LRRC4C: variants seen among roughly 807,000 people sequenced by gnomAD.
The protein encoded by LRRC4C is leucine-rich repeat-containing protein 4C.
Under a neutral mutation model 33.6 loss-of-function variants are expected in LRRC4C, and 5 were observed. That is an observed-to-expected ratio of 0.15 (90% confidence interval 0.08 to 0.31). The LOEUF is 0.31. Ranked by LOEUF, LRRC4C falls within the 10% of genes least tolerant of loss-of-function variation. LRRC4C has a pLI of 1.00. For synonymous variants in LRRC4C, 329 were observed against 302.0 expected (o/e 1.09, Z -0.93); for missense variants, 560 against 796.7 (o/e 0.70, Z 3.58).
chr11:41,390,865 G>C (rs1482286668), intron 1 of LRRC4C, among the ~76,000 whole-genome samples: 3 of 151,598 alleles, frequency 2.0e-5, no homozygotes, highest in Non-Finnish European at 2.9e-5. Flanking sequence ...CTGTGTTCCT[G>C]GCAAAGTACC....
At chr11:40,642,768 G>A (rs1252459270) in intron 3 of LRRC4C, among the ~76,000 whole-genome samples, 2 of 152,094 alleles carry the variant, frequency 1.3e-5, no homozygotes, top group African/African-American at 2.4e-5. Flanking sequence ...CTTTAAGATG[G>A]TTTTGCATGT....
At chr11:40,760,478 T>G (rs1013559196) in intron 2 of LRRC4C, among the ~76,000 whole-genome samples, 32 of 151,732 alleles carry the variant, frequency 2.1e-4, no homozygotes, top group African/African-American at 7.5e-4. Flanking sequence ...CCAGAATAAA[T>G]TTTTGCAAAA....
chr11:40,592,968 A>G (rs1959126452), intron 3 of LRRC4C, among the ~76,000 whole-genome samples: 1 of 152,216 alleles, frequency 6.6e-6, no homozygotes, highest in African/African-American at 2.4e-5. Context: ...TCCTTGAACT[A>G]ATACAGCAGA....
At chr11:41,316,275 A>AAC (rs1173963736) in intron 1 of LRRC4C, among the ~76,000 whole-genome samples, 8 of 150,328 alleles carry the variant, frequency 5.3e-5, no homozygotes, top group East Asian at 2.0e-4. Flanking sequence ...AAAAAAAAAA[A>AAC]AAAACAAAAA....
intron 2 of LRRC4C, among the ~76,000 whole-genome samples, chr11:40,815,195 G>C (rs1392807293): frequency 6.6e-6 from 1 of 152,198 alleles, no homozygotes; most frequent in Non-Finnish European, 1.5e-5. Context: ...AGGTGAATGA[G>C]GAGCGAAGTC....
At chr11:40,979,048 A>G (rs1423645620) in intron 1 of LRRC4C, among the ~76,000 whole-genome samples, 3 of 152,190 alleles carry the variant, frequency 2.0e-5, no homozygotes, top group South Asian at 4.1e-4. Flanking sequence ...GATAATCTGT[A>G]CATTGTCCCC....
chr11:40,534,251 A>ATTG (rs10645731), intron 3 of LRRC4C, among the ~76,000 whole-genome samples: 13,312 of 151,990 alleles, frequency 0.088, 1,649 homozygotes, highest in African/African-American at 0.28. Flanking sequence ...TTTTGCTACC[A>ATTG]TTGTTACTAT....
intron 1 of LRRC4C, among the ~76,000 whole-genome samples, chr11:41,410,032 G>A (rs11036392): frequency 0.078 from 11,885 of 152,160 alleles, 1,530 homozygotes; most frequent in African/African-American, 0.27. Context: ...GCCCAATAGT[G>A]TTTTAAAGTT....
chr11:40,314,817 T>C (rs1430508372), intron 4 of LRRC4C, among the ~76,000 whole-genome samples: 1 of 152,050 alleles, frequency 6.6e-6, no homozygotes, highest in Admixed American at 6.5e-5. Flanking sequence ...AAATACCACA[T>C]GTTCTCACTC....
intron 3 of LRRC4C, among the ~76,000 whole-genome samples, chr11:40,374,240 C>T (rs148861072): frequency 1.2e-4 from 18 of 152,008 alleles, no homozygotes; most frequent in South Asian, 4.1e-4. Flanking sequence ...TTGTTGTGTC[C>T]GTAGTGGTGA....
intron 2 of LRRC4C, among the ~76,000 whole-genome samples, chr11:40,904,093 G>A (rs1956319243): frequency 6.6e-6 from 1 of 152,154 alleles, no homozygotes; most frequent in Non-Finnish European, 1.5e-5. Flanking sequence ...CCAATGAGGA[G>A]TTACTTCTGA....
chr11:40,870,122 C>T (rs1297093316), intron 2 of LRRC4C, among the ~76,000 whole-genome samples: 1 of 152,078 alleles, frequency 6.6e-6, no homozygotes, highest in Non-Finnish European at 1.5e-5. Flanking sequence ...CTCCAATGTG[C>T]ATAACACCAA....
intron 3 of LRRC4C, among the ~76,000 whole-genome samples, chr11:40,366,371 C>T (rs1948208678): frequency 6.6e-6 from 1 of 151,990 alleles, no homozygotes; most frequent in African/African-American, 2.4e-5. Flanking sequence ...TCTGGAGAGA[C>T]ATATTGTCAG....
chr11:41,199,884 A>G (rs963591151), intron 1 of LRRC4C, among the ~76,000 whole-genome samples: 57 of 152,274 alleles, frequency 3.7e-4, no homozygotes, highest in African/African-American at 1.4e-3. Context: ...CTTTTCAGAA[A>G]GCCCAGATAA....
intron 5 of LRRC4C, among the ~76,000 whole-genome samples, chr11:40,197,356 A>C (rs1862346198): frequency 6.6e-6 from 1 of 152,168 alleles, no homozygotes; most frequent in South Asian, 2.1e-4. Flanking sequence ...GGTTCACACA[A>C]ACATGTGCTT....
intron 5 of LRRC4C, among the ~76,000 whole-genome samples, chr11:40,225,230 A>T (rs1361800113): frequency 1.3e-5 from 2 of 152,218 alleles, no homozygotes; most frequent in Non-Finnish European, 2.9e-5. Flanking sequence ...CCATTAAAAA[A>T]ATTCAAAAAT....
intron 1 of LRRC4C, among the ~76,000 whole-genome samples, chr11:40,968,330 G>C (rs916272572): frequency 6.6e-6 from 1 of 152,074 alleles, no homozygotes; most frequent in Non-Finnish European, 1.5e-5. Flanking sequence ...AGCTATTTCT[G>C]TATCACAAAA....
At chr11:40,878,934 C>T (rs888878697) in intron 2 of LRRC4C, among the ~76,000 whole-genome samples, 1 of 152,162 alleles carries the variant, frequency 6.6e-6, no homozygotes, top group Non-Finnish European at 1.5e-5. Flanking sequence ...GGGGTTGTTG[C>T]ATCCCCATGT....
chr11:41,162,096 TG>T (rs1398457894), intron 1 of LRRC4C, among the ~76,000 whole-genome samples: 1 of 152,192 alleles, frequency 6.6e-6, no homozygotes, highest in African/African-American at 2.4e-5. Flanking sequence ...TTGCTAAATT[TG>T]GAAGAAATAC....
Sources: allele counts gnomAD v4.1 joint callset (sites outside exome capture counted in the v4.1 genomes callset), GRCh38; gene constraint gnomAD v4.1.1; transcripts MANE v1.5; gene names NCBI Gene and HGNC (gene_info 2026-07-23, HGNC 2026-07-21).